Variants in GRID1 observed in about 807,000 individuals in gnomAD.
GRID1 encodes the protein glutamate receptor ionotropic, delta-1.
A neutral mutation model predicts 98.0 loss-of-function variants in GRID1; 28 were observed. The ratio of observed to expected loss-of-function variants is 0.29; its 90% CI spans 0.21 to 0.39. The LOEUF (loss-of-function observed/expected upper bound fraction) is 0.39, where lower values mean the gene tolerates loss of function less well. Among genes scored for constraint, GRID1 ranks in the 10% least tolerant of loss-of-function variants. The pLI, the probability that GRID1 is intolerant of heterozygous loss-of-function variation, is 1.00. For synonymous variants in GRID1, 553 were observed against 538.5 expected (o/e 1.03, Z -0.37); for missense variants, 1,111 against 1,340.5 (o/e 0.83, Z 2.67).
chr10:85,791,561 A>C (rs759435969), intron 8 of GRID1, among the ~76,000 whole-genome samples: 6 of 152,164 alleles, frequency 3.9e-5, no homozygotes, highest in Non-Finnish European at 7.3e-5. Context: ...AAGGTGAATG[A>C]TAACCAGAAA....
At chr10:86,313,201 T>C (rs1038845892) in intron 2 of GRID1, among the ~76,000 whole-genome samples, 3 of 152,186 alleles carry the variant, frequency 2.0e-5, no homozygotes, top group African/African-American at 7.2e-5. Context: ...GCAAGCTCTG[T>C]TTAATTCCTC....
rs1316168816 is a variant in GRID1 at position 85,901,284 on chromosome 10, C to T, written c.780+14902G>A. Among the ~76,000 whole-genome samples, 4 of 151,076 alleles carry T rather than the reference C, an allele frequency of 2.6e-5. No homozygotes were observed. In the East Asian group the frequency reaches 5.8e-4, roughly 22 times the overall value. On this transcript the variant is annotated intron_variant, in intron 5 of 15. Transcript: ENST00000327946. ...ATTTTGAGACAGAGTCTCGCTCTGT[C>T]GCCCAGGCTGGAGTGCAGTGGCATG... is the stretch of plus-strand genomic sequence containing the variant.
intron 2 of GRID1, among the ~76,000 whole-genome samples, chr10:86,334,753 C>T (rs979559725): frequency 3.3e-5 from 5 of 152,180 alleles, no homozygotes; most frequent in African/African-American, 1.2e-4. Context: ...AGGAGGAAAC[C>T]GAGGCTCCCT....
chr10:86,264,881 T>A, intron 2 of GRID1: 1 of 416,124 alleles, frequency 2.4e-6, no homozygotes, highest in Admixed American at 2.7e-5. Context: ...CACTCCTTGC[T>A]GACAAGAGGC....
chr10:85,949,815 CT>C (rs1402876209), intron 4 of GRID1, among the ~76,000 whole-genome samples: 1 of 152,128 alleles, frequency 6.6e-6, no homozygotes, highest in Non-Finnish European at 1.5e-5. Flanking sequence ...AGTTGTTCCC[CT>C]GATATCTATG....
intron 8 of GRID1, among the ~76,000 whole-genome samples, chr10:85,830,438 A>G (rs1321806441): frequency 6.6e-6 from 1 of 152,230 alleles, no homozygotes; most frequent in Non-Finnish European, 1.5e-5. Context: ...CAATTGCAAC[A>G]TAAACAAAAA....
chr10:85,624,654 A>G (rs1010452939), intron 13 of GRID1, among the ~76,000 whole-genome samples: 1 of 152,224 alleles, frequency 6.6e-6, no homozygotes, highest in Non-Finnish European at 1.5e-5. Context: ...TAAAAAATTG[A>G]TAATATCTAG....
At chr10:86,213,047 A>G (rs536766018) in intron 2 of GRID1, among the ~76,000 whole-genome samples, 2 of 152,208 alleles carry the variant, frequency 1.3e-5, no homozygotes, top group East Asian at 3.9e-4. Context: ...CCTGTCCCAC[A>G]GACTGTGTTT....
chr10:86,240,074 GCCAACA>G (rs1846602886), intron 2 of GRID1, among the ~76,000 whole-genome samples: 1 of 152,130 alleles, frequency 6.6e-6, no homozygotes, highest in Admixed American at 6.5e-5. Context: ...AACCAACCCT[GCCAACA>G]CATTGATCTT....
At chr10:86,029,767 C>T (rs1413789683) in intron 4 of GRID1, among the ~76,000 whole-genome samples, 2 of 151,732 alleles carry the variant, frequency 1.3e-5, no homozygotes, top group East Asian at 3.9e-4. Flanking sequence ...GATCAATATG[C>T]TAGTTCTGGG....
chr10:86,358,102 T>A (rs1848556832), intron 2 of GRID1, among the ~76,000 whole-genome samples: 1 of 152,136 alleles, frequency 6.6e-6, no homozygotes, highest in African/African-American at 2.4e-5. Context: ...GAAGCTGACA[T>A]GTCATTGGAG....
At chr10:85,693,325 T>C (rs773775858) in intron 12 of GRID1, among the ~76,000 whole-genome samples, 2 of 152,142 alleles carry the variant, frequency 1.3e-5, no homozygotes, top group Admixed American at 6.6e-5. Context: ...GTGAGATACA[T>C]AGGTAGAACA....
chr10:85,903,637 T>C (rs2131817155), intron 5 of GRID1, among the ~76,000 whole-genome samples: 1 of 152,302 alleles, frequency 6.6e-6, no homozygotes, highest in African/African-American at 2.4e-5. Context: ...TCACTCAGAA[T>C]AAGAATCGTG....
intron 4 of GRID1, among the ~76,000 whole-genome samples, chr10:86,030,463 C>A (rs188297722): frequency 3.3e-5 from 5 of 152,352 alleles, no homozygotes; most frequent in Non-Finnish European, 7.3e-5. Context: ...GGAGGCAAAA[C>A]AGTGTTACTA....
Position 86,305,528 on chromosome 10 carries a change from T to C in GRID1, c.235+58413A>G, listed in dbSNP as rs997457750. ...TTGGTCCCTCATGCCTGGGAAGCACTAGAATGTCTAACATCACATCTGAGG... is the reference window on the plus strand; with the variant it reads ...TTGGTCCCTCATGCCTGGGAAGCACCAGAATGTCTAACATCACATCTGAGG... On this transcript the variant is annotated intron_variant, in intron 2 of 15. Transcript: ENST00000327946. Among the ~76,000 whole-genome samples the C allele has an allele frequency of 3.9e-5, 6 of 152,336 alleles. No individual in the cohort carries two copies. In the South Asian group the frequency reaches 1.2e-3, roughly 32 times the overall value.
intron 4 of GRID1, among the ~76,000 whole-genome samples, chr10:86,043,486 C>T (rs906341411): frequency 1.3e-5 from 2 of 152,192 alleles, no homozygotes; most frequent in East Asian, 1.9e-4. Context: ...AGCTCTCCTG[C>T]GGGCCTGTTG....
At chr10:86,325,358 G>C (rs926556335) in intron 2 of GRID1, among the ~76,000 whole-genome samples, 1 of 152,074 alleles carries the variant, frequency 6.6e-6, no homozygotes, top group Non-Finnish European at 1.5e-5. Flanking sequence ...ACCATCCTGC[G>C]GCCAGCAGGA....
intron 12 of GRID1, among the ~76,000 whole-genome samples, chr10:85,652,943 T>C (rs1840845081): frequency 6.6e-6 from 1 of 152,164 alleles, no homozygotes; most frequent in Admixed American, 6.5e-5. Flanking sequence ...TTTTACATAG[T>C]TGAGATGAGA....
At chr10:85,978,577 G>A (rs2352467) in intron 4 of GRID1, among the ~76,000 whole-genome samples, 150,336 of 152,294 alleles carry the variant, frequency 0.99, 74,209 homozygotes, top group East Asian at 1. Flanking sequence ...TCTGAAAGAG[G>A]TTCCTCCAAA....
Sources: gnomAD v4.1 joint callset for allele counts (sites outside exome capture counted in the v4.1 genomes callset) on GRCh38, gnomAD v4.1.1 for gene constraint, MANE v1.5 for transcripts, NCBI Gene and HGNC (gene_info 2026-07-23, HGNC 2026-07-21) for gene names.